The following GATC variants were observed in gnomAD, a reference collection of about 807,000 sequenced individuals.
The protein encoded by GATC is glutamyl-tRNA(Gln) amidotransferase subunit C, mitochondrial.
Under a neutral mutation model 14.4 loss-of-function variants are expected in GATC, and 11 were observed. That is an observed-to-expected ratio of 0.77 (90% CI 0.48 to 1.27). GATC has a LOEUF of 1.27. GATC is among the 50% of genes most tolerant of loss of function. The pLI is 0.00. For synonymous variants in GATC, 76 were observed against 79.3 expected, an observed-to-expected ratio of 0.96 and a Z score of 0.22; for missense variants, 204 against 183.0, an observed-to-expected ratio of 1.11 and a Z score of -0.66.
chr12:120,446,823 A>C lies in GATC; in HGVS notation c.248A>C (p.Glu83Ala), dbSNP rs572193322. The change falls in exon 2 of 4, where the codon GAG (glutamate) becomes GCG (alanine). Residue 83 changes from glutamate (E) to alanine (A), a missense_variant. Transcript: ENST00000551765. ...DGVEPMESVL[E>A]DRCLYLRSDN... ...GTGGAGCCCATGGAATCGGTCCTGG[A>C]GGACAGGTAAACTCGCGGCTGCAGC... The C allele has an allele frequency of 4.6e-5, 73 of 1,599,960 alleles. 2 individuals carry two copies. In the South Asian group the frequency reaches 7.6e-4, roughly 17 times the overall value.
At chr12:120,454,253 C>G (rs1565913874) in intron 2 of GATC, among the ~76,000 whole-genome samples, 1 of 152,156 alleles carries the variant, frequency 6.6e-6, no homozygotes, top group Non-Finnish European at 1.5e-5. Context: ...TCAGAGCCCT[C>G]TTACTGCCGT....
Position 120,463,701 on chromosome 12 carries a change from CTG to C in GATC, c.*3746_*3747del, listed in dbSNP as rs1878417712. 3 of 363,504 alleles carry C rather than the reference CTG, an allele frequency of 8.3e-6. No homozygotes were observed. The highest frequency in any genetic ancestry group is 4.3e-5 in the Admixed American group (1 of 23,000). 22.5% of individuals were successfully genotyped at this position (363,504 alleles called of 1,614,324 possible). On this transcript the variant is annotated 3_prime_UTR_variant, in exon 4 of 4. Coordinates refer to ENST00000551765, the MANE Select transcript of GATC (RefSeq NM_176818.3). Reference sequence around the variant, plus strand: ...CCAGGTTACAAATACCATGACCAAACTGTGTAATGTGATACTAATATGCAGAA... The same window carrying C: ...CCAGGTTACAAATACCATGACCAAACTGTAATGTGATACTAATATGCAGAA...
intron 2 of GATC, among the ~76,000 whole-genome samples, chr12:120,449,866 G>A (rs1037126383): frequency 9.9e-5 from 15 of 152,010 alleles, no homozygotes; most frequent in African/African-American, 3.1e-4. Flanking sequence ...AGGTTCAAGC[G>A]ATTCTCCTGC....
In GATC at chr12:120,463,503, T is replaced by G. The variant is rs1565916662; in HGVS notation, c.*3544T>G. The G allele has an allele frequency of 1.3e-5, 2 of 152,812 alleles. No homozygotes were observed. Among genetic ancestry groups the G allele is most frequent in the African/African-American group, 4.8e-5 (2 of 41,334 alleles). 9.5% of individuals were successfully genotyped at this position (152,812 alleles called of 1,614,324 possible). On this transcript the variant is annotated 3_prime_UTR_variant, in exon 4 of 4. Coordinates refer to ENST00000551765, the MANE Select transcript of GATC (RefSeq NM_176818.3). ...ATGCTGCACTACTCTGGGAAAAAAG[T>G]GAAGTGACAGCTCAGCCCTGACAGC...
chr12:120,450,187 G>T (rs750149955), intron 2 of GATC, among the ~76,000 whole-genome samples: 3 of 152,168 alleles, frequency 2.0e-5, no homozygotes, highest in Non-Finnish European at 4.4e-5. Context: ...GGAAAAGGTC[G>T]TGAAAAAAGA....
Position 120,447,081 on chromosome 12 carries a change from G to GT in GATC, c.254+265dup, listed in dbSNP as rs11340121. On this transcript the variant is annotated intron_variant, in intron 2 of 3. Coordinates refer to ENST00000551765, the MANE Select transcript of GATC (RefSeq NM_176818.3). ...GTTTTTTTTTTTGTTTGTTTGTTTT[G>GT]TTTTTTTTTTTTTGAGACGGAGTCT... 6.7e-3 allele frequency among the ~76,000 whole-genome samples: 882 copies of GT among 131,362 alleles called. 9 individuals carry two copies. Among genetic ancestry groups the GT allele is most frequent in the South Asian group, 0.029 (118 of 4,102 alleles). 86.2% of individuals were successfully genotyped at this position (131,362 alleles called of 152,430 possible). A position where few individuals can be genotyped will look rare whatever the true frequency, so the allele number is the denominator to read the frequency against.
In GATC at chr12:120,461,461, G is replaced by A. The variant is rs1878336724; in HGVS notation, c.*1502G>A. The A allele has an allele frequency of 2.6e-5, 4 of 152,086 alleles. No individual in the cohort carries two copies. In the South Asian group the frequency reaches 6.2e-4, roughly 24 times the overall value. The allele number at this position is 152,086 out of a possible 1,614,324, so 9.4% of individuals were successfully genotyped here. ...TTAAGGCAGCCTAATTTACAAGCTT[G>A]GCCTTGAATTAAAAGAGAACCCAGA... On this transcript the variant is annotated 3_prime_UTR_variant, in exon 4 of 4. Transcript: ENST00000551765.
intron 2 of GATC, among the ~76,000 whole-genome samples, chr12:120,455,294 G>T (rs537134572): frequency 2.0e-5 from 3 of 151,636 alleles, no homozygotes; most frequent in Admixed American, 6.6e-5. Flanking sequence ...TCAGCCTCCC[G>T]AGTAGTTGGG....
chr12:120,450,740 C>T (rs1878015494), intron 2 of GATC: 1 of 152,464 alleles, frequency 6.6e-6, no homozygotes, highest in Non-Finnish European at 1.5e-5. Context: ...ATGGTGTACT[C>T]TTGGGTCACC....
At position 120,463,405 on chromosome 12, in the gene GATC, T is replaced by C. The variant is rs1358917285; in HGVS notation, c.*3446T>C. The C allele has an allele frequency of 1.3e-5, 2 of 151,500 alleles. No homozygotes were observed. Among genetic ancestry groups the C allele is most frequent in the Non-Finnish European group, 2.9e-5 (2 of 67,926 alleles). The allele number at this position is 151,500 out of a possible 1,614,324, so 9.4% of individuals were successfully genotyped here. ...CAATATAATGAGACTGTCTCTAAAA[T>C]CAAAAATTAGAGAAATATAAAAATT... On this transcript the variant is annotated 3_prime_UTR_variant, in exon 4 of 4. Coordinates refer to ENST00000551765, the MANE Select transcript of GATC (RefSeq NM_176818.3).
chr12:120,457,133 A>G lies in GATC; in HGVS notation c.312A>G (p.Leu104=), dbSNP rs1565914792. ...AAGGCAACTGTGCTGATGAATTACT[A>G]CAAAACTCCCATCGCGTCGTGGAGG... is the stretch of plus-strand genomic sequence containing the variant. ...VVEGNCADEL[L]QNSHRVVEEY... The change falls in exon 3 of 4, where the codon CTA becomes CTG. Residue 104 remains leucine, a synonymous_variant. Coordinates refer to ENST00000551765, the MANE Select transcript of GATC (RefSeq NM_176818.3). 3.1e-6 allele frequency: 5 copies of G among 1,614,090 alleles called. No individual in the cohort carries two copies. Among genetic ancestry groups the G allele is most frequent in the Non-Finnish European group, 4.2e-6 (5 of 1,180,010 alleles).
At position 120,453,632 on chromosome 12, in the gene GATC, C is replaced by CA. The variant is rs1261558540; in HGVS notation, c.255-3442dup. 2.6e-5 allele frequency among the ~76,000 whole-genome samples: 4 copies of CA among 151,976 alleles called. No homozygotes were observed. The East Asian group carries it at 7.7e-4, about 29-fold the overall frequency. On this transcript the variant is annotated intron_variant, in intron 2 of 3. Transcript: ENST00000551765. ...GGTCCAAGAAAGTGAAGCAACTCAC[C>CA]AAGTGAGAGGTATGCTTGCTGTACC...
chr12:120,463,739 T>G lies in GATC; in HGVS notation c.*3780T>G. 1.9e-6 allele frequency: 1 copy of G among 520,564 alleles called. No individual in the cohort carries two copies. The highest frequency in any genetic ancestry group is 3.3e-6 in the Non-Finnish European group (1 of 300,026). 32.2% of individuals were successfully genotyped at this position (520,564 alleles called of 1,614,324 possible). A position where few individuals can be genotyped will look rare whatever the true frequency, so the allele number is the denominator to read the frequency against. ...TACTAATATGCAGAATAAAGCATAT[T>G]AAAAAACAAACGTACCATGAATGCA... On this transcript the variant is annotated 3_prime_UTR_variant, in exon 4 of 4. Coordinates refer to ENST00000551765, the MANE Select transcript of GATC (RefSeq NM_176818.3).
intron 3 of GATC, among the ~76,000 whole-genome samples, chr12:120,459,016 A>G (rs1353980656): frequency 1.3e-5 from 2 of 151,778 alleles, no homozygotes; most frequent in Non-Finnish European, 2.9e-5. Flanking sequence ...GCCCACCACA[A>G]CGCCTGGCTA....
In GATC at chr12:120,460,012, A is replaced by G; in HGVS notation, c.*53A>G. On this transcript the variant is annotated 3_prime_UTR_variant, in exon 4 of 4. Transcript: ENST00000551765. ...TGTGAACATGTGGAAGCATAATGAC[A>G]GTATTTTTTTACTGTGAATACTAAT... The G allele has an allele frequency of 7.1e-7, 1 of 1,414,916 alleles. No individual in the cohort carries two copies. Among genetic ancestry groups the G allele is most frequent in the South Asian group, 1.2e-5 (1 of 84,444 alleles). The allele number at this position is 1,414,916 out of a possible 1,614,324, so 87.6% of individuals were successfully genotyped here.
intron 2 of GATC, among the ~76,000 whole-genome samples, chr12:120,453,637 G>C (rs919698039): frequency 6.6e-6 from 1 of 152,072 alleles, no homozygotes; most frequent in Admixed American, 6.6e-5. Flanking sequence ...CTCACCAAGT[G>C]AGAGGTATGC....
Position 120,459,956 on chromosome 12 carries a change from C to T in GATC, c.408C>T (p.Ser136=). ...KLDEQEPFPH[S] ...ATGAACAAGAGCCATTCCCACACAG[C>T]TGAGTAGCTCATTCTGGAAAGGGGG... The change falls in exon 4 of 4, where the codon AGC becomes AGT. Residue 136 remains serine (S), a synonymous_variant. Transcript: ENST00000551765. 1 of 1,610,946 alleles carries T rather than the reference C, an allele frequency of 6.2e-7. No individual in the cohort carries two copies. Among genetic ancestry groups the T allele is most frequent in the Non-Finnish European group, 8.5e-7 (1 of 1,177,428 alleles).
chr12:120,462,031 G>A lies in GATC; in HGVS notation c.*2072G>A, dbSNP rs777833144. On this transcript the variant is annotated 3_prime_UTR_variant, in exon 4 of 4. Coordinates refer to ENST00000551765, the MANE Select transcript of GATC (RefSeq NM_176818.3). ...CCCATCACCTGTCTCAGTAGGGCCT[G>A]AAAGGAGAGAAGTAGTGTGGGGAAC... 4 of 1,611,086 alleles carry A rather than the reference G, an allele frequency of 2.5e-6. No individual in the cohort carries two copies. Among genetic ancestry groups the A allele is most frequent in the Non-Finnish European group, 3.4e-6 (4 of 1,179,440 alleles).
At chr12:120,449,613 A>T (rs940836026) in intron 2 of GATC, among the ~76,000 whole-genome samples, 1 of 150,636 alleles carries the variant, frequency 6.6e-6, no homozygotes, top group African/African-American at 2.4e-5. Context: ...ATGCCTGGTT[A>T]ATTTTTGTAT....
Sources: allele counts gnomAD v4.1 joint callset (sites outside exome capture counted in the v4.1 genomes callset), GRCh38; gene constraint gnomAD v4.1.1; transcripts MANE v1.5; gene names NCBI Gene and HGNC (gene_info 2026-07-23, HGNC 2026-07-21).